The following NRXN1 variants were observed in gnomAD, a reference collection of about 807,000 sequenced individuals.
The protein encoded by NRXN1 is neurexin 1.
NRXN1 carries 39 observed loss-of-function variants against 150.9 expected under a neutral mutation model. The observed-to-expected ratio is 0.26, with a 90% CI of 0.20 to 0.34. The LOEUF (loss-of-function observed/expected upper bound fraction) is 0.34. Ranked by LOEUF, NRXN1 falls within the 10% of genes least tolerant of loss-of-function variation. The probability of loss-of-function intolerance (pLI) is 1.00; values close to 1 mark genes in which losing one functional copy is unlikely to be tolerated. For synonymous variants in NRXN1, 924 were observed against 757.0 expected (o/e 1.22, Z -3.62); for missense variants, 1,815 against 1,949.9 (o/e 0.93, Z 1.30).
At chr2:50,730,915 C>T (rs1191443403) in intron 5 of NRXN1, among the ~76,000 whole-genome samples, 3 of 152,022 alleles carry the variant, frequency 2.0e-5, no homozygotes, top group Non-Finnish European at 2.9e-5. Context: ...CCTTGTCATC[C>T]GCCTGCCTCC....
intron 2 of NRXN1, among the ~76,000 whole-genome samples, chr2:50,998,036 T>C (rs1403876706): frequency 2.1e-5 from 3 of 141,118 alleles, no homozygotes. Context: ...GAAATAGAAA[T>C]AGGGTCAATG....
intron 5 of NRXN1, among the ~76,000 whole-genome samples, chr2:50,747,267 T>C (rs1202054189): frequency 6.6e-6 from 1 of 152,154 alleles, no homozygotes; most frequent in African/African-American, 2.4e-5. Context: ...TCTTTCCTGT[T>C]GGTTAGAGTT....
chr2:50,625,561 C>T (rs1056109564), intron 5 of NRXN1, among the ~76,000 whole-genome samples: 4 of 151,986 alleles, frequency 2.6e-5, no homozygotes, highest in South Asian at 2.1e-4. Context: ...ATTCCTGTCT[C>T]GGAAAGTTAT....
intron 17 of NRXN1, among the ~76,000 whole-genome samples, chr2:50,305,951 T>C (rs2074574276): frequency 6.6e-6 from 1 of 152,202 alleles, no homozygotes; most frequent in African/African-American, 2.4e-5. Flanking sequence ...TTATTTTTTC[T>C]TGGCTGAATT....
At chr2:50,191,961 A>G (rs1230297226) in intron 18 of NRXN1, among the ~76,000 whole-genome samples, 1 of 152,188 alleles carries the variant, frequency 6.6e-6, no homozygotes, top group Admixed American at 6.5e-5. Flanking sequence ...ATTATAAAGA[A>G]CCAATTGTTC....
intron 17 of NRXN1, among the ~76,000 whole-genome samples, chr2:50,387,728 T>C (rs1457945898): frequency 6.6e-6 from 1 of 152,126 alleles, no homozygotes; most frequent in Non-Finnish European, 1.5e-5. Context: ...CTGTGATTGC[T>C]CTTAATGGCA....
In NRXN1 at chr2:50,694,970, A is replaced by C. The variant is rs528180963; in HGVS notation, c.833-71355T>G. Among the ~76,000 whole-genome samples, 144 of 152,222 alleles carry C rather than the reference A, an allele frequency of 9.5e-4. 1 individual carries two copies. Among genetic ancestry groups the C allele is most frequent in the African/African-American group, 3.2e-3 (132 of 41,532 alleles). On this transcript the variant is annotated intron_variant, in intron 5 of 22. Transcript: ENST00000401669. ...AGTTCCCTTATCTCATAGCCAAATC[A>C]CCTCCATGCAAATTGATCTGGGAGT...
chr2:50,153,391 G>A (rs1049829787), intron 18 of NRXN1, among the ~76,000 whole-genome samples: 1 of 148,482 alleles, frequency 6.7e-6, no homozygotes, highest in African/African-American at 2.5e-5. Context: ...TTCTTTATAT[G>A]TAATTTTTTT....
chr2:50,357,078 A>G (rs751583179), intron 17 of NRXN1, among the ~76,000 whole-genome samples: 11 of 152,084 alleles, frequency 7.2e-5, no homozygotes, highest in Non-Finnish European at 1.6e-4. Flanking sequence ...CCAGTTTGAG[A>G]CCAGCTTGAG....
At chr2:50,010,753 T>C (rs1412035492) in intron 21 of NRXN1, among the ~76,000 whole-genome samples, 1 of 152,064 alleles carries the variant, frequency 6.6e-6, no homozygotes, top group Non-Finnish European at 1.5e-5. Flanking sequence ...AAATTCTCAA[T>C]AGCACAAACA....
At chr2:50,233,079 G>A (rs2065102024) in intron 18 of NRXN1, among the ~76,000 whole-genome samples, 1 of 152,032 alleles carries the variant, frequency 6.6e-6, no homozygotes, top group Admixed American at 6.6e-5. Flanking sequence ...AATAATTGAA[G>A]ATCTACACTC....
intron 5 of NRXN1, among the ~76,000 whole-genome samples, chr2:50,693,485 C>T (rs1420938283): frequency 6.6e-6 from 1 of 152,050 alleles, no homozygotes; most frequent in Non-Finnish European, 1.5e-5. Context: ...GGACTTCCTC[C>T]TGCCTACAAT....
intron 16 of NRXN1, among the ~76,000 whole-genome samples, chr2:50,469,518 T>G (rs887653976): frequency 1.3e-5 from 2 of 151,462 alleles, no homozygotes; most frequent in African/African-American, 4.8e-5. Flanking sequence ...GTGATTCCAG[T>G]GTGGTTTGGA....
At chr2:50,701,022 A>C (rs1311347811) in intron 5 of NRXN1, among the ~76,000 whole-genome samples, 2 of 152,136 alleles carry the variant, frequency 1.3e-5, no homozygotes, top group Non-Finnish European at 2.9e-5. Context: ...CTTCCACTAC[A>C]TCATAGACAG....
intron 5 of NRXN1, among the ~76,000 whole-genome samples, chr2:50,887,466 T>A (rs1308581691): frequency 6.6e-6 from 1 of 151,498 alleles, no homozygotes; most frequent in Non-Finnish European, 1.5e-5. Context: ...GAAAAACTCC[T>A]GGTACATTTC....
At chr2:50,590,285 G>C (rs759736310) in intron 8 of NRXN1, among the ~76,000 whole-genome samples, 4 of 152,094 alleles carry the variant, frequency 2.6e-5, no homozygotes, top group Non-Finnish European at 4.4e-5. Context: ...CTGTGGTTAT[G>C]GAATGTGCTT....
chr2:50,951,732 T>C (rs1013319380), intron 2 of NRXN1, among the ~76,000 whole-genome samples: 1 of 152,012 alleles, frequency 6.6e-6, no homozygotes, highest in African/African-American at 2.4e-5. Context: ...CCTCACTATG[T>C]CTTCTATTAC....
rs1243284944 is a variant in NRXN1 at position 50,976,455 on chromosome 2, AAT to A, written c.773-50502_773-50501del. Among the ~76,000 whole-genome samples, 3 of 152,050 alleles carry A rather than the reference AAT, an allele frequency of 2.0e-5. No homozygotes were observed. In the Admixed American group the frequency reaches 2.0e-4, roughly 10 times the overall value. Reference sequence around the variant, plus strand: ...TTTTCTTCACTTATGTTTTGAAGAGAATATGTTATCCTTCCCCCACCCTAAAT... The same window carrying A: ...TTTTCTTCACTTATGTTTTGAAGAGAATGTTATCCTTCCCCCACCCTAAAT... On this transcript the variant is annotated intron_variant, in intron 2 of 22. Transcript: ENST00000401669.
chr2:50,285,493 G>A (rs184317446), intron 17 of NRXN1, among the ~76,000 whole-genome samples: 3 of 152,274 alleles, frequency 2.0e-5, no homozygotes, highest in Admixed American at 2.0e-4. Context: ...TGTTTGGAAT[G>A]TGGGAGGAGA....
Sources: allele counts gnomAD v4.1 joint callset (sites outside exome capture counted in the v4.1 genomes callset), GRCh38; gene constraint gnomAD v4.1.1; transcripts MANE v1.5; gene names NCBI Gene and HGNC (gene_info 2026-07-23, HGNC 2026-07-21).